Variants in PDE10A observed in about 807,000 individuals in gnomAD.
PDE10A encodes cAMP and cAMP-inhibited cGMP 3',5'-cyclic phosphodiesterase 10A.
A neutral mutation model predicts 97.7 loss-of-function variants in PDE10A; 39 were observed. The ratio of observed to expected loss-of-function variants is 0.40; its 90% CI spans 0.31 to 0.52. PDE10A has a LOEUF of 0.52. Ranked by LOEUF, PDE10A falls within the 20% of genes least tolerant of loss-of-function variation. PDE10A has a pLI of 0.56. For synonymous variants in PDE10A, 371 were observed against 376.8 expected, an observed-to-expected ratio of 0.98 and a Z score of 0.18; for missense variants, 731 against 1,047.8, an observed-to-expected ratio of 0.70 and a Z score of 4.17.
At chr6:165,825,431 C>T (rs1779711870) in intron 1 of PDE10A, among the ~76,000 whole-genome samples, 1 of 152,136 alleles carries the variant, frequency 6.6e-6, no homozygotes, top group African/African-American at 2.4e-5. Flanking sequence ...CTGTGTGGTC[C>T]CCAAACTCCA....
chr6:165,473,281 G>A (rs1779115323), intron 3 of PDE10A, among the ~76,000 whole-genome samples: 2 of 152,156 alleles, frequency 1.3e-5, no homozygotes, highest in African/African-American at 4.8e-5. Flanking sequence ...ATTCCCAACT[G>A]ATATAACTGA....
At chr6:165,824,154 G>A (rs1024723861) in intron 1 of PDE10A, among the ~76,000 whole-genome samples, 11 of 151,988 alleles carry the variant, frequency 7.2e-5, no homozygotes, top group Admixed American at 2.0e-4. Flanking sequence ...GACATCATGC[G>A]GAGAGTGCCT....
At chr6:165,491,662 AC>A (rs1476055171) in intron 2 of PDE10A, among the ~76,000 whole-genome samples, 19 of 152,154 alleles carry the variant, frequency 1.2e-4, no homozygotes, top group Admixed American at 1.0e-3. Flanking sequence ...TTTGAACTAC[AC>A]TATAATAGTG....
chr6:165,982,561 C>G (rs532265243), intron 1 of PDE10A, among the ~76,000 whole-genome samples: 6 of 152,214 alleles, frequency 3.9e-5, no homozygotes, highest in African/African-American at 7.2e-5. Flanking sequence ...TTTCTAACTA[C>G]AGTGTAACTG....
intron 1 of PDE10A, among the ~76,000 whole-genome samples, chr6:165,765,002 C>A (rs1163771136): frequency 1.3e-5 from 2 of 152,144 alleles, no homozygotes; most frequent in Non-Finnish European, 2.9e-5. Flanking sequence ...TAGTTAGATA[C>A]AGAGTGTGGA....
chr6:165,622,329 C>A (rs1023325631), intron 1 of PDE10A, among the ~76,000 whole-genome samples: 1 of 151,958 alleles, frequency 6.6e-6, no homozygotes, highest in African/African-American at 2.4e-5. Flanking sequence ...AATGGAAACA[C>A]GTGAGAAACG....
chr6:165,898,329 A>G (rs142856434), intron 1 of PDE10A, among the ~76,000 whole-genome samples: 1 of 152,276 alleles, frequency 6.6e-6, no homozygotes, highest in Non-Finnish European at 1.5e-5. Context: ...TGAACCGCAC[A>G]ACGCAGCACC....
chr6:165,370,208 G>A, intron 18 of PDE10A, among the ~76,000 whole-genome samples: 1 of 151,144 alleles, frequency 6.6e-6, no homozygotes, highest in Non-Finnish European at 1.5e-5. Flanking sequence ...ATAATGACAG[G>A]ATCAAATTCA....
At chr6:165,591,040 C>T (rs983328089) in intron 1 of PDE10A, among the ~76,000 whole-genome samples, 11 of 152,092 alleles carry the variant, frequency 7.2e-5, no homozygotes, top group African/African-American at 2.7e-4. Context: ...CACATACTTT[C>T]TCATTCTATT....
intron 1 of PDE10A, among the ~76,000 whole-genome samples, chr6:165,771,654 TAAAAAA>T (rs35902541): frequency 5.6e-5 from 6 of 106,332 alleles, no homozygotes; most frequent in African/African-American, 1.6e-4. Flanking sequence ...TTTAACAAGA[TAAAAAA>T]AAAAAAAAAA....
chr6:165,904,348 T>C (rs1044289594), intron 1 of PDE10A, among the ~76,000 whole-genome samples: 1 of 152,100 alleles, frequency 6.6e-6, no homozygotes, highest in African/African-American at 2.4e-5. Flanking sequence ...TGGGCCTACA[T>C]TGGGAAAGAG....
At chr6:165,834,256 T>G (rs753832170) in intron 1 of PDE10A, among the ~76,000 whole-genome samples, 2 of 152,226 alleles carry the variant, frequency 1.3e-5, no homozygotes, top group African/African-American at 2.4e-5. Flanking sequence ...ACTCACCAGA[T>G]GCTGGGTAGA....
chr6:165,445,068 T>C (rs1366814272), intron 5 of PDE10A, among the ~76,000 whole-genome samples: 1 of 152,214 alleles, frequency 6.6e-6, no homozygotes, highest in Non-Finnish European at 1.5e-5. Flanking sequence ...GATTGACAAT[T>C]ATGTAGACTA....
intron 1 of PDE10A, among the ~76,000 whole-genome samples, chr6:165,590,764 G>A (rs1303810348): frequency 2.0e-5 from 3 of 152,104 alleles, no homozygotes; most frequent in East Asian, 1.9e-4. Flanking sequence ...GGTGGCGGGC[G>A]CCTGTAGTCC....
chr6:165,919,191 C>G (rs1782686830), intron 1 of PDE10A, among the ~76,000 whole-genome samples: 1 of 152,202 alleles, frequency 6.6e-6, no homozygotes, highest in Non-Finnish European at 1.5e-5. Context: ...AGTGGATCAT[C>G]AGGTCCTTGT....
At chr6:165,391,842 AT>A (rs1295899215) in intron 16 of PDE10A, among the ~76,000 whole-genome samples, 2 of 152,226 alleles carry the variant, frequency 1.3e-5, no homozygotes, top group Non-Finnish European at 2.9e-5. Flanking sequence ...TTAAATGTGA[AT>A]TTGAGAAAAG....
chr6:165,695,158 A>T (rs1447303611), intron 1 of PDE10A, among the ~76,000 whole-genome samples: 1 of 151,548 alleles, frequency 6.6e-6, no homozygotes, highest in Admixed American at 6.6e-5. Context: ...CCAGCATGGC[A>T]GTGTAAGGAG....
At chr6:165,512,228 G>A (rs1342459788) in intron 2 of PDE10A, among the ~76,000 whole-genome samples, 2 of 151,802 alleles carry the variant, frequency 1.3e-5, no homozygotes, top group Non-Finnish European at 2.9e-5. Context: ...TTTTACGATA[G>A]TAAATGTCAT....
At chr6:165,654,997 C>T (rs754465910) in intron 1 of PDE10A, among the ~76,000 whole-genome samples, 8 of 152,200 alleles carry the variant, frequency 5.3e-5, no homozygotes, top group African/African-American at 7.2e-5. Flanking sequence ...TCTCCATTCA[C>T]GACTGTGGCT....
Sources: allele counts gnomAD v4.1 joint callset (sites outside exome capture counted in the v4.1 genomes callset), GRCh38; gene constraint gnomAD v4.1.1; transcripts MANE v1.5; gene names NCBI Gene and HGNC (gene_info 2026-07-23, HGNC 2026-07-21).